The following PALM2AKAP2 variants were observed in gnomAD, a reference collection of about 807,000 sequenced individuals.
PALM2AKAP2 encodes the protein PALM2 and AKAP2 fusion, also known as PALM2-AKAP2 fusion protein.
Under a neutral mutation model 71.5 loss-of-function variants are expected in PALM2AKAP2, and 37 were observed. That is an observed-to-expected ratio of 0.52 (90% CI 0.40 to 0.68). The LOEUF is 0.68. Ranked by LOEUF, PALM2AKAP2 falls within the 30% of genes least tolerant of loss-of-function variation. The probability of loss-of-function intolerance (pLI) is 0.00; values close to 1 mark genes in which losing one functional copy is unlikely to be tolerated. For synonymous variants in PALM2AKAP2, 468 were observed against 478.8 expected, an observed-to-expected ratio of 0.98 and a Z score of 0.29; for missense variants, 1,224 against 1,191.8, an observed-to-expected ratio of 1.03 and a Z score of -0.40.
intron 1 of PALM2AKAP2, among the ~76,000 whole-genome samples, chr9:109,717,530 T>C (rs1008998693): frequency 7.2e-5 from 11 of 152,252 alleles, no homozygotes; most frequent in Middle Eastern, 3.4e-3. Flanking sequence ...GCAAGACTGA[T>C]TGAAACAGGA....
intron 6 of PALM2AKAP2, among the ~76,000 whole-genome samples, chr9:109,962,143 C>T (rs1831862275): frequency 6.6e-6 from 1 of 152,264 alleles, no homozygotes; most frequent in African/African-American, 2.4e-5. Context: ...CACATTACTG[C>T]ACAGTTGCTC....
chr9:109,943,532 C>G, intron 6 of PALM2AKAP2: 1 of 1,434,340 alleles, frequency 7.0e-7, no homozygotes, highest in Non-Finnish European at 9.3e-7. Context: ...CAAACACCTG[C>G]CTTGCCTTGC....
intron 6 of PALM2AKAP2, among the ~76,000 whole-genome samples, chr9:109,941,096 C>A (rs1588022995): frequency 6.7e-6 from 1 of 148,428 alleles, no homozygotes; most frequent in Non-Finnish European, 1.5e-5. Flanking sequence ...CCTTCCTCTT[C>A]TTTTTTCTTC....
intron 7 of PALM2AKAP2, among the ~76,000 whole-genome samples, chr9:110,016,875 A>G (rs1832988523): frequency 6.6e-6 from 1 of 152,158 alleles, no homozygotes. Context: ...TAGAGCTGTA[A>G]CTGGAGATAT....
chr9:110,005,423 T>C (rs1171632789), intron 6 of PALM2AKAP2, among the ~76,000 whole-genome samples: 1 of 152,228 alleles, frequency 6.6e-6, no homozygotes, highest in African/African-American at 2.4e-5. Flanking sequence ...ATGTGAGATG[T>C]CAGTCTGCCC....
At chr9:109,673,693 G>C (rs569031017) in intron 1 of PALM2AKAP2, among the ~76,000 whole-genome samples, 1 of 152,100 alleles carries the variant, frequency 6.6e-6, no homozygotes, top group South Asian at 2.1e-4. Flanking sequence ...ATTGTCAGTG[G>C]GGTGTTAATA....
chr9:109,932,085 A>C (rs931294522), intron 6 of PALM2AKAP2, 57 bp downstream of exon 6: 84 of 1,518,286 alleles, frequency 5.5e-5, no homozygotes, highest in Non-Finnish European at 7.3e-5. Flanking sequence ...CATTTCACTG[A>C]GCTTTATTAA....
At chr9:109,669,960 T>A (rs1193988529) in intron 1 of PALM2AKAP2, among the ~76,000 whole-genome samples, 1 of 152,060 alleles carries the variant, frequency 6.6e-6, no homozygotes, top group Non-Finnish European at 1.5e-5. Flanking sequence ...AATTTTTTCT[T>A]TAGCTAGCAT....
chr9:110,110,848 A>G (rs1564310756), intron 1 of PALM2AKAP2, among the ~76,000 whole-genome samples: 1 of 151,390 alleles, frequency 6.6e-6, no homozygotes, highest in African/African-American at 2.4e-5. Context: ...TGCCTGGCCT[A>G]TGCTCCTGAA....
chr9:110,069,175 T>C lies in PALM2AKAP2; in HGVS notation c.156+20320T>C, dbSNP rs78639623. ...TTATTCCACCTGTCAAAACCTTGGT[T>C]TTGTAAACTGCAAAATAGGACCAGT... On this transcript the variant is annotated intron_variant, in intron 1 of 3. Coordinates refer to ENST00000374525, the Ensembl canonical transcript of PALM2AKAP2. Among the ~76,000 whole-genome samples, 66 of 152,296 alleles carry C rather than the reference T, an allele frequency of 4.3e-4. 2 individuals are homozygous for C. The East Asian group carries it at 0.012, about 29-fold the overall frequency.
At chr9:109,992,567 C>T (rs939268741) in intron 6 of PALM2AKAP2, among the ~76,000 whole-genome samples, 5 of 152,118 alleles carry the variant, frequency 3.3e-5, no homozygotes, top group African/African-American at 9.7e-5. Flanking sequence ...TGCAGGCATG[C>T]ACCAACACAA....
intron 1 of PALM2AKAP2, among the ~76,000 whole-genome samples, chr9:109,739,492 C>G (rs1427959490): frequency 6.6e-6 from 1 of 152,170 alleles, no homozygotes; most frequent in East Asian, 1.9e-4. Flanking sequence ...TCAAAACATT[C>G]AAGAGTTAGA....
chr9:109,699,530 G>C (rs145651997), intron 1 of PALM2AKAP2, among the ~76,000 whole-genome samples: 1 of 152,034 alleles, frequency 6.6e-6, no homozygotes, highest in African/African-American at 2.4e-5. Flanking sequence ...AAAATTATAG[G>C]CCAGAACATT....
intron 6 of PALM2AKAP2, among the ~76,000 whole-genome samples, chr9:109,990,194 C>G (rs1156928159): frequency 6.6e-6 from 1 of 151,174 alleles, no homozygotes; most frequent in Non-Finnish European, 1.5e-5. Context: ...GCCTCAGCCT[C>G]CCACGTAACT....
chr9:109,943,657 G>T, intron 6 of PALM2AKAP2: 1 of 529,426 alleles, frequency 1.9e-6, no homozygotes, highest in Non-Finnish European at 3.3e-6. Context: ...ACCTTTCCTT[G>T]TGTCTTCAAG....
chr9:110,136,534 G>A (rs1835873415), exon 2 of PALM2AKAP2: 5 of 1,613,368 alleles, frequency 3.1e-6, no homozygotes, highest in Non-Finnish European at 4.2e-6. Flanking sequence ...AGGCGACCCA[G>A]CCAGAACCCA....
intron 7 of PALM2AKAP2, among the ~76,000 whole-genome samples, chr9:110,039,358 T>G (rs950193282): frequency 3.3e-5 from 5 of 152,216 alleles, no homozygotes; most frequent in Admixed American, 6.5e-5. Context: ...TTTTTTTTGA[T>G]AGAAGAAATC....
chr9:109,973,468 A>T (rs1832109927), intron 6 of PALM2AKAP2, among the ~76,000 whole-genome samples: 1 of 152,344 alleles, frequency 6.6e-6, no homozygotes, highest in African/African-American at 2.4e-5. Context: ...TAGGAGAACC[A>T]TATAGTGGCT....
chr9:109,706,833 A>G (rs1828152774), intron 1 of PALM2AKAP2, among the ~76,000 whole-genome samples: 1 of 152,228 alleles, frequency 6.6e-6, no homozygotes. Flanking sequence ...GATCCCATTT[A>G]TTTTAAATGT....
Sources: gnomAD v4.1 joint callset for allele counts (sites outside exome capture counted in the v4.1 genomes callset) on GRCh38, gnomAD v4.1.1 for gene constraint, MANE v1.5 for transcripts, NCBI Gene and HGNC (gene_info 2026-07-23, HGNC 2026-07-21) for gene names.